Variants in RADIL observed in about 807,000 individuals in gnomAD.
The protein encoded by RADIL is ras-associating and dilute domain-containing protein.
Under a neutral mutation model 97.6 loss-of-function variants are expected in RADIL, and 99 were observed. That is an observed-to-expected ratio of 1.01 (90% confidence interval 0.86 to 1.20). The LOEUF (loss-of-function observed/expected upper bound fraction) is 1.20, where lower values mean the gene tolerates loss of function less well. Ranked by LOEUF, RADIL falls within the 50% of genes most tolerant of loss-of-function variation. RADIL has a pLI of 0.00. For synonymous variants in RADIL, 803 were observed against 691.8 expected, an observed-to-expected ratio of 1.16 and a Z score of -2.52; for missense variants, 1,765 against 1,498.9, an observed-to-expected ratio of 1.18 and a Z score of -2.93.
chr7:4,816,448 G>A lies in RADIL; in HGVS notation c.1746C>T (p.Leu582=). The A allele has an allele frequency of 6.2e-7, 1 of 1,607,480 alleles. No individual in the cohort carries two copies. Among genetic ancestry groups the A allele is most frequent in the Non-Finnish European group, 8.5e-7 (1 of 1,177,652 alleles). ...YYVSKSLYIC[L]PALLECPPFQ... is the part of the protein sequence containing the mutation. ...ATGGCGGGCACTCCAGGAGTGCCGG[G>A]AGGCAGATGTACAGGGACTGGCGGG... The change falls in exon 8 of 15, where the codon CTC becomes CTT. Residue 582 remains leucine, a synonymous_variant. Coordinates refer to ENST00000399583, the MANE Select transcript of RADIL (RefSeq NM_018059.5).
Position 4,883,686 on chromosome 7 carries a change from C to T in RADIL, c.-155G>A, listed in dbSNP as rs946681621. Reference sequence around the variant, plus strand: ...GCGCCCAGACCCGCGCGTGCCGCGGCGCCTCCTGCCGGCGGCGCAACGGGC... The same window carrying T: ...GCGCCCAGACCCGCGCGTGCCGCGGTGCCTCCTGCCGGCGGCGCAACGGGC... On this transcript the variant is annotated 5_prime_UTR_variant, in exon 1 of 15. Transcript: ENST00000399583. The surrounding 1 kb of genome is among the most constrained non-coding windows in gnomAD (Gnocchi z 7.1). 1 of 151,890 alleles carries T rather than the reference C, an allele frequency of 6.6e-6. No homozygotes were observed. Among genetic ancestry groups the T allele is most frequent in the Non-Finnish European group, 1.5e-5 (1 of 67,948 alleles). 9.4% of individuals were successfully genotyped at this position (151,890 alleles called of 1,614,324 possible).
chr7:4,875,130 T>C (rs1194463398), intron 2 of RADIL, among the ~76,000 whole-genome samples: 2 of 143,170 alleles, frequency 1.4e-5, no homozygotes, highest in Non-Finnish European at 2.9e-5. Context: ...AGGCGGAGCT[T>C]GCAGTGAGCC....
At chr7:4,804,184 T>G (rs1211560484) in intron 10 of RADIL, 2 of 275,354 alleles carry the variant, frequency 7.3e-6, no homozygotes, top group Non-Finnish European at 1.5e-5. Context: ...ACGGCCTGTG[T>G]GCGGGCTGCT....
In RADIL at chr7:4,867,543, G is replaced by C. The variant is rs1323952133; in HGVS notation, c.535+10062C>G. Among the ~76,000 whole-genome samples, 2 of 152,146 alleles carry C rather than the reference G, an allele frequency of 1.3e-5. No homozygotes were observed. Among genetic ancestry groups the C allele is most frequent in the Non-Finnish European group, 2.9e-5 (2 of 68,032 alleles). On this transcript the variant is annotated intron_variant, in intron 2 of 14. Transcript: ENST00000399583. This position sits in a 1 kb window ranked among gnomAD's most constrained non-coding sequence, Gnocchi z 4.1. The stretch of plus-strand genomic sequence containing the variant: ...TGGCTGTAATCCCAGCACTTTGGGA[G>C]GCTGAGGTGGGAGGATCACTTGAGC...
chr7:4,830,494 C>T (rs1240896599), intron 5 of RADIL, among the ~76,000 whole-genome samples: 1 of 152,208 alleles, frequency 6.6e-6, no homozygotes, highest in Non-Finnish European at 1.5e-5. Flanking sequence ...GGAGCTGCGC[C>T]TTTCCCTGAA....
intron 5 of RADIL, among the ~76,000 whole-genome samples, chr7:4,825,908 A>AAG (rs760101468): frequency 1.4e-5 from 2 of 144,974 alleles, no homozygotes; most frequent in Non-Finnish European, 3.0e-5. Context: ...AAAAAAAAAA[A>AAG]GGGAAATGAA....
chr7:4,863,204 A>T (rs35861650), intron 2 of RADIL, among the ~76,000 whole-genome samples: 40,563 of 152,080 alleles, frequency 0.27, 5,594 homozygotes, highest in South Asian at 0.37. Flanking sequence ...ATATCCACTT[A>T]AATACTTATA....
In RADIL at chr7:4,878,102, G is replaced by A. The variant is rs772469149; in HGVS notation, c.38C>T (p.Thr13Ile). 3.8e-6 allele frequency: 6 copies of A among 1,585,518 alleles called. No homozygotes were observed. The South Asian group carries it at 6.9e-5, about 18-fold the overall frequency. ...YGTHFIMSPPTKSKLKRQSQL... is the reference protein window; with the variant it reads ...YGTHFIMSPPIKSKLKRQSQL... ...GCTCTGCCGCTTCAGTTTGCTCTTG[G>A]TGGGCGGGGACATGATGAAGTGCGT... The change falls in exon 2 of 15, where the codon ACC becomes ATC. Residue 13 changes from threonine (T) to isoleucine (I), a missense_variant. Coordinates refer to ENST00000399583, the MANE Select transcript of RADIL (RefSeq NM_018059.5). The surrounding 1 kb of genome is among the most constrained non-coding windows in gnomAD (Gnocchi z 4.1).
rs1395586529 is a variant in RADIL, at chr7:4,818,252, A to C, written c.1616-901T>G. ...GGGCGGCGCCTGGTGAGCCAGGCCA[A>C]CACTCACCCCAGCGCGGGCCTCCCA... On this transcript the variant is annotated intron_variant, in intron 6 of 14. Coordinates refer to ENST00000399583, the MANE Select transcript of RADIL (RefSeq NM_018059.5). The surrounding 1 kb of genome is among the most constrained non-coding windows in gnomAD (Gnocchi z 7.1). Among the ~76,000 whole-genome samples, 1 of 152,140 alleles carries C rather than the reference A, an allele frequency of 6.6e-6. No homozygotes were observed. Among genetic ancestry groups the C allele is most frequent in the African/African-American group, 2.4e-5 (1 of 41,436 alleles).
In RADIL at chr7:4,815,067, C is replaced by T. The variant is rs533328655; in HGVS notation, c.2139+211G>A. ...ATACGGTCACAGGGTAAGACGGTCA[C>T]GGGTCTCAGACATCTTTGGGCCATT... On this transcript the variant is annotated intron_variant, in intron 9 of 14. Coordinates refer to ENST00000399583, the MANE Select transcript of RADIL (RefSeq NM_018059.5). The surrounding 1 kb of genome is among the most constrained non-coding windows in gnomAD (Gnocchi z 8.0). Among the ~76,000 whole-genome samples the T allele has an allele frequency of 3.3e-5, 5 of 152,282 alleles. No homozygotes were observed. The highest frequency in any genetic ancestry group is 3.4e-3 in the Middle Eastern group (1 of 294).
At chr7:4,881,805 G>T (rs1459704591) in intron 1 of RADIL, among the ~76,000 whole-genome samples, 1 of 151,852 alleles carries the variant, frequency 6.6e-6, no homozygotes, top group African/African-American at 2.4e-5. Context: ...GGGGCCCAGG[G>T]GTGGATATAT....
In RADIL at chr7:4,819,723, G is replaced by T. The variant is rs2115193330; in HGVS notation, c.1616-2372C>A. Among the ~76,000 whole-genome samples, 1 of 152,332 alleles carries T rather than the reference G, an allele frequency of 6.6e-6. No individual in the cohort carries two copies. The highest frequency in any genetic ancestry group is 2.1e-4 in the South Asian group (1 of 4,828). ...ATTCTTCCCACAGACATTTCCTGCA[G>T]AGGGTCGGGAGGCTGACGGGGCTCT... On this transcript the variant is annotated intron_variant, in intron 6 of 14. Coordinates refer to ENST00000399583, the MANE Select transcript of RADIL (RefSeq NM_018059.5). This position sits in a 1 kb window ranked among gnomAD's most constrained non-coding sequence, Gnocchi z 5.8.
chr7:4,871,335 T>C (rs1583324868), intron 2 of RADIL, among the ~76,000 whole-genome samples: 1 of 152,110 alleles, frequency 6.6e-6, no homozygotes, highest in Non-Finnish European at 1.5e-5. Flanking sequence ...ACAAAGAGGT[T>C]TGCGGACAAG....
intron 2 of RADIL, chr7:4,861,840 C>CCCCCACCACCGCGACCTTCACGTT: frequency 1.4e-6 from 2 of 1,405,616 alleles, no homozygotes; most frequent in Non-Finnish European, 1.9e-6. Context: ...CAGGGCACGT[C>CCCCCACCACCGCGACCTTCACGTT]CCCCACCACC....
chr7:4,861,598 ATTAT>A (rs1450360619), intron 2 of RADIL: 1 of 1,611,524 alleles, frequency 6.2e-7, no homozygotes, highest in Admixed American at 1.7e-5. Context: ...CCTTTACCAG[ATTAT>A]TTAATTTTTC....
intron 2 of RADIL, chr7:4,859,838 C>G: frequency 9.4e-7 from 1 of 1,067,568 alleles, no homozygotes; most frequent in South Asian, 1.5e-5. Context: ...TCTCCTCTTC[C>G]GTTTTGGTTT....
intron 5 of RADIL, among the ~76,000 whole-genome samples, chr7:4,827,130 C>G (rs1206745689): frequency 2.6e-5 from 4 of 152,044 alleles, no homozygotes; most frequent in African/African-American, 4.8e-5. Context: ...TTTGGGAGGC[C>G]AAGGTGGGCA....
intron 12 of RADIL, among the ~76,000 whole-genome samples, chr7:4,801,181 G>C (rs1473536410): frequency 6.6e-6 from 1 of 151,946 alleles, no homozygotes; most frequent in Non-Finnish European, 1.5e-5. Context: ...CACCCATGCA[G>C]ATGCACACAC....
chr7:4,825,169 C>A (rs549140572), intron 5 of RADIL, among the ~76,000 whole-genome samples: 1 of 151,256 alleles, frequency 6.6e-6, no homozygotes, highest in African/African-American at 2.4e-5. Context: ...GAGGAACAGG[C>A]GTAGCTGGCT....
Sources: allele counts gnomAD v4.1 joint callset (sites outside exome capture counted in the v4.1 genomes callset), GRCh38; gene constraint gnomAD v4.1.1; non-coding constraint Gnocchi (gnomAD v3.1); transcripts MANE v1.5; gene names NCBI Gene and HGNC (gene_info 2026-07-23, HGNC 2026-07-21).